Variants in CDC42BPB observed in about 807,000 individuals in gnomAD.
CDC42BPB encodes the protein CDC42 binding protein kinase beta, also known as serine/threonine-protein kinase MRCK beta.
In CDC42BPB, 37 loss-of-function variants were observed where a neutral mutation model predicts 214.9. That is an observed-to-expected ratio of 0.17 (90% CI 0.13 to 0.23). The LOEUF (loss-of-function observed/expected upper bound fraction) is 0.23. CDC42BPB is among the 10% of genes least tolerant of loss of function. CDC42BPB has a pLI of 1.00. For synonymous variants in CDC42BPB, 931 were observed against 884.0 expected (o/e 1.05, Z -0.94); for missense variants, 1,694 against 2,227.0 (o/e 0.76, Z 4.82).
intron 6 of CDC42BPB, among the ~76,000 whole-genome samples, chr14:102,985,470 C>G (rs901004859): frequency 6.6e-6 from 1 of 152,170 alleles, no homozygotes; most frequent in African/African-American, 2.4e-5. Context: ...GAGGGTAACC[C>G]ATGTTCTGGT....
chr14:102,968,419 T>C lies in CDC42BPB; in HGVS notation c.2240+53A>G, dbSNP rs1893320305. The C allele has an allele frequency of 2.5e-6, 4 of 1,613,462 alleles. No homozygotes were observed. The African/African-American group carries it at 4.0e-5, about 16-fold the overall frequency. On this transcript the variant is annotated intron_variant, in intron 15 of 36. Transcript: ENST00000361246. ...GTAACTTCACTGATATTCGTATCTA[T>C]GGCGTGGGTATCAGCTTGCATCTTC...
chr14:103,020,799 G>C (rs1217260403), intron 1 of CDC42BPB, among the ~76,000 whole-genome samples: 4 of 152,260 alleles, frequency 2.6e-5, no homozygotes, highest in Non-Finnish European at 5.9e-5. Context: ...TTATTCTTAC[G>C]GTTCAGACGG....
chr14:102,937,552 A>C (rs1311165560), intron 36 of CDC42BPB, among the ~76,000 whole-genome samples: 2 of 151,526 alleles, frequency 1.3e-5, no homozygotes, highest in Non-Finnish European at 2.9e-5. Flanking sequence ...CCCTCAGCTC[A>C]CTCCTCAGCC....
At position 102,944,724 on chromosome 14, in the gene CDC42BPB, G is replaced by A. The variant is rs1159018817; in HGVS notation, c.3812-237C>T. 1.0e-6 allele frequency: 1 copy of A among 959,284 alleles called. No homozygotes were observed. Among genetic ancestry groups the A allele is most frequent in the Admixed American group, 6.2e-5 (1 of 16,250 alleles). 59.4% of individuals were successfully genotyped at this position (959,284 alleles called of 1,614,324 possible). On this transcript the variant is annotated intron_variant, in intron 29 of 36. Coordinates refer to ENST00000361246, the MANE Select transcript of CDC42BPB (RefSeq NM_006035.4). The surrounding 1 kb of genome is among the most constrained non-coding windows in gnomAD (Gnocchi z 6.6). Reference sequence around the variant, plus strand: ...GCGCGCTCCTGGGGCAGCCTCGGGGGCTGGTCCAAAGGCTCCTCTGCCTCT... The same window carrying A: ...GCGCGCTCCTGGGGCAGCCTCGGGGACTGGTCCAAAGGCTCCTCTGCCTCT...
chr14:102,985,339 A>G (rs975470684), intron 6 of CDC42BPB, among the ~76,000 whole-genome samples: 240 of 134,952 alleles, frequency 1.8e-3, no homozygotes, highest in African/African-American at 7.1e-3. Context: ...ATACCGTGAC[A>G]GGGTGGTGTG....
rs1198508082 is a variant in CDC42BPB, at chr14:102,944,974, C to T, written c.3812-487G>A. On this transcript the variant is annotated intron_variant, in intron 29 of 36. Transcript: ENST00000361246. This position sits in a 1 kb window ranked among gnomAD's most constrained non-coding sequence, Gnocchi z 6.6. ...GCCCTCACAGGGCCCCCAGTGAAGA[C>T]ACTGCCCTCACACTCACACGGCCCC... Among the ~76,000 whole-genome samples the T allele has an allele frequency of 6.6e-6, 1 of 152,144 alleles. No individual in the cohort carries two copies. Among genetic ancestry groups the T allele is most frequent in the Non-Finnish European group, 1.5e-5 (1 of 68,000 alleles).
At position 102,963,126 on chromosome 14, in the gene CDC42BPB, C is replaced by G. The variant is rs1383622394; in HGVS notation, c.2756G>C (p.Arg919Thr). The change falls in exon 20 of 37, where the codon AGA becomes ACA. Residue 919 changes from arginine to threonine, a missense_variant. This residue lies in a region of CDC42BPB where 156 missense variants were observed against 154.5 expected (regional missense o/e 1.01). Transcript: ENST00000361246. ...AATTTCCATTTCTTCTAATAATTCTCTGTTTTTGGCTTCGGAATCCTTTAG... is the reference window on the plus strand; with the variant it reads ...AATTTCCATTTCTTCTAATAATTCTGTGTTTTTGGCTTCGGAATCCTTTAG... ...SKLKDSEAKN[R>T]ELLEEMEILK... The G allele has an allele frequency of 5.6e-6, 9 of 1,597,738 alleles. No homozygotes were observed. Among genetic ancestry groups the G allele is most frequent in the Non-Finnish European group, 7.7e-6 (9 of 1,167,396 alleles).
chr14:103,003,350 G>A (rs897211490), intron 4 of CDC42BPB, among the ~76,000 whole-genome samples: 1 of 152,264 alleles, frequency 6.6e-6, no homozygotes, highest in African/African-American at 2.4e-5. Flanking sequence ...GCCTTAGAGT[G>A]CCGTGGAGGC....
rs200325915 is a variant in CDC42BPB, at chr14:102,975,644, C to T, written c.1507+40G>A. On this transcript the variant is annotated intron_variant, in intron 11 of 36. Transcript: ENST00000361246. ...AATTCCCTTTTAAGACAGTAATGAC[C>T]AAAAATAGAGACTAAGAAGTCACAC... 5.8e-4 allele frequency: 928 copies of T among 1,603,616 alleles called. 13 individuals are homozygous for T. The South Asian group carries it at 9.9e-3, about 17-fold the overall frequency.
At chr14:102,977,783 G>A (rs1893824118) in intron 9 of CDC42BPB, among the ~76,000 whole-genome samples, 1 of 152,172 alleles carries the variant, frequency 6.6e-6, no homozygotes, top group Non-Finnish European at 1.5e-5. Context: ...GCCTCTGGGA[G>A]AAATCCTGCC....
chr14:102,955,729 A>AT, intron 21 of CDC42BPB, among the ~76,000 whole-genome samples: 2 of 152,256 alleles, frequency 1.3e-5, no homozygotes, highest in African/African-American at 4.8e-5. Context: ...ACGCACATGT[A>AT]GGTATGCTGA....
chr14:102,981,905 G>GCGCA (rs1394886999), intron 7 of CDC42BPB, among the ~76,000 whole-genome samples: 3 of 152,142 alleles, frequency 2.0e-5, no homozygotes, highest in Admixed American at 6.5e-5. Context: ...ACACACACAT[G>GCGCA]CGCACGCACA....
intron 1 of CDC42BPB, among the ~76,000 whole-genome samples, chr14:103,048,686 C>T (rs1465140812): frequency 3.4e-5 from 5 of 147,592 alleles, no homozygotes; most frequent in Non-Finnish European, 4.5e-5. Context: ...CCAGCCTGGG[C>T]GACAGAGCAA....
chr14:102,941,636 G>A (rs1891894799), intron 30 of CDC42BPB: 1 of 828,052 alleles, frequency 1.2e-6, no homozygotes. Flanking sequence ...AAGAAGTCTA[G>A]TTTGCTGACT....
Position 102,940,089 on chromosome 14 carries a change from G to A in CDC42BPB, c.4548C>T (p.Asn1516=), listed in dbSNP as rs1410676014. 8 of 1,613,906 alleles carry A rather than the reference G, an allele frequency of 5.0e-6. No individual in the cohort carries two copies. The highest frequency in any genetic ancestry group is 6.8e-6 in the Non-Finnish European group (8 of 1,180,048). Residue 1516 remains asparagine (N), a synonymous_variant, in exon 32 of 37, where the codon AAC becomes AAT. Coordinates refer to ENST00000361246, the MANE Select transcript of CDC42BPB (RefSeq NM_006035.4). ...AGTAGATCAAGCGTGGAGGCTCGCA[G>A]TTGAGGAGGTTGAGGGTGCCTTCAG... is the stretch of plus-strand genomic sequence containing the variant. ...LNSEGTLNLL[N]CEPPRLIYFK...
chr14:103,035,300 G>T (rs965070723), intron 1 of CDC42BPB, among the ~76,000 whole-genome samples: 3 of 152,034 alleles, frequency 2.0e-5, no homozygotes, highest in Admixed American at 6.6e-5. Flanking sequence ...CAGGTGATCC[G>T]CCTGCCTCGG....
chr14:102,989,018 G>C (rs1894377076), intron 5 of CDC42BPB, among the ~76,000 whole-genome samples: 1 of 152,080 alleles, frequency 6.6e-6, no homozygotes, highest in Middle Eastern at 3.4e-3. Context: ...ATGGCAAATT[G>C]GGGAAAAATA....
intron 21 of CDC42BPB, chr14:102,956,572 A>G (rs575904037): frequency 5.1e-6 from 1 of 197,828 alleles, no homozygotes; most frequent in Admixed American, 6.5e-5. Flanking sequence ...GCTCATGCCT[A>G]TAATCCCAGC....
At chr14:102,934,968 T>A (rs1415192710) in intron 36 of CDC42BPB, among the ~76,000 whole-genome samples, 2 of 145,528 alleles carry the variant, frequency 1.4e-5, no homozygotes, top group Non-Finnish European at 3.0e-5. Flanking sequence ...CGAGATCGCA[T>A]CACTGCATTC....
Sources: gnomAD v4.1 joint callset for allele counts (sites outside exome capture counted in the v4.1 genomes callset) on GRCh38, gnomAD v4.1.1 for gene constraint, gnomAD v4.1.1 regional missense constraint, Gnocchi (gnomAD v3.1) non-coding constraint, MANE v1.5 for transcripts, NCBI Gene and HGNC (gene_info 2026-07-23, HGNC 2026-07-21) for gene names.